Variants in POLR2F observed in about 807,000 individuals in gnomAD.
The protein encoded by POLR2F is DNA-directed RNA polymerases I, II, and III subunit RPABC2.
POLR2F carries 12 observed loss-of-function variants against 22.7 expected under a neutral mutation model. The observed-to-expected ratio is 0.53, with a 90% CI of 0.34 to 0.86. POLR2F has a LOEUF of 0.86. Among genes scored for constraint, POLR2F ranks in the 40% least tolerant of loss-of-function variants. POLR2F has a pLI of 0.02. For synonymous variants in POLR2F, 57 were observed against 66.0 expected (o/e 0.86, Z 0.66); for missense variants, 126 against 171.5 (o/e 0.73, Z 1.48).
intron 4 of POLR2F, among the ~76,000 whole-genome samples, chr22:37,976,932 C>T (rs1035803675): frequency 4.0e-5 from 6 of 151,822 alleles, no homozygotes; most frequent in South Asian, 2.1e-4. Flanking sequence ...TTTGGGAGGC[C>T]GAGGCGGGCA....
chr22:37,961,272 G>A (rs1436778531), intron 3 of POLR2F, among the ~76,000 whole-genome samples: 1 of 151,854 alleles, frequency 6.6e-6, no homozygotes, highest in African/African-American at 2.4e-5. Context: ...TGCCCAGGCT[G>A]GTCTTGAACT....
chr22:38,022,179 A>T (rs2084965486), intron 1 of POLR2F, among the ~76,000 whole-genome samples: 1 of 151,528 alleles, frequency 6.6e-6, no homozygotes, highest in Non-Finnish European at 1.5e-5. Context: ...AGTATGAATC[A>T]GATGCATTTG....
rs896935147 is a variant in POLR2F, at chr22:37,997,028, A to C, written c.120+10716A>C. Among the ~76,000 whole-genome samples the C allele has an allele frequency of 3.9e-5, 6 of 152,148 alleles. No individual in the cohort carries two copies. The highest frequency in any genetic ancestry group is 7.4e-5 in the Non-Finnish European group (5 of 67,974). ...GGCAAGGGCTGCAGTGGCTGGCTGC[A>C]TCCTCTGGGGTGCCAGCTGGGACAC... is the stretch of plus-strand genomic sequence containing the variant. On this transcript the variant is annotated intron_variant, in intron 1 of 2. Transcript: ENST00000333418. This position sits in a 1 kb window ranked among gnomAD's most constrained non-coding sequence, Gnocchi z 4.4.
chr22:37,962,185 C>T lies in POLR2F; in HGVS notation c.221+2709C>T, dbSNP rs145604755. On this transcript the variant is annotated intron_variant, in intron 3 of 4. Coordinates refer to ENST00000442738, the MANE Select transcript of POLR2F (RefSeq NM_021974.5). The stretch of plus-strand genomic sequence containing the variant: ...GGTTGAGGCTGCAGTGAACTGTGAT[C>T]GCACTACTGCACACCAGCCTGAGTG... Among the ~76,000 whole-genome samples the T allele has an allele frequency of 5.4e-3, 824 of 152,068 alleles. 7 individuals carry two copies. The highest frequency in any genetic ancestry group is 0.019 in the African/African-American group (785 of 41,468).
intron 1 of POLR2F, among the ~76,000 whole-genome samples, chr22:37,995,182 G>T (rs1370317632): frequency 6.6e-6 from 1 of 152,202 alleles, no homozygotes; most frequent in Non-Finnish European, 1.5e-5. Context: ...TATCAGATTT[G>T]CTGTCAGGGG....
At chr22:38,000,600 G>C (rs566626718) in intron 1 of POLR2F, among the ~76,000 whole-genome samples, 1 of 152,354 alleles carries the variant, frequency 6.6e-6, no homozygotes, top group Admixed American at 6.5e-5. Flanking sequence ...GGGCACTAGG[G>C]TGGTTGGTGT....
rs932029616 is a variant in POLR2F at position 38,017,682 on chromosome 22, TC to T, written c.121-8185del. ...GAGGCTGTGGCCTCTCCCTGCAACT[TC>T]CTGTAGGTCTCTCTGTAGCACCAGC... On this transcript the variant is annotated intron_variant, in intron 1 of 2. Transcript: ENST00000333418. The surrounding 1 kb of genome is among the most constrained non-coding windows in gnomAD (Gnocchi z 4.1). Among the ~76,000 whole-genome samples, 33 of 152,224 alleles carry T rather than the reference TC, an allele frequency of 2.2e-4. No homozygotes were observed. The highest frequency in any genetic ancestry group is 7.7e-4 in the African/African-American group (32 of 41,542).
chr22:37,962,682 C>A lies in POLR2F; in HGVS notation c.221+3206C>A, dbSNP rs576769537. On this transcript the variant is annotated intron_variant, in intron 3 of 4. Transcript: ENST00000442738. ...TCACTAGCCAGCCACACTTCTTTTTCTTTTATTTATTTATTTAATTTTTTT... is the reference window on the plus strand; with the variant it reads ...TCACTAGCCAGCCACACTTCTTTTTATTTTATTTATTTATTTAATTTTTTT... Among the ~76,000 whole-genome samples, 5 of 152,304 alleles carry A rather than the reference C, an allele frequency of 3.3e-5. No individual in the cohort carries two copies. The South Asian group carries it at 8.3e-4, about 25-fold the overall frequency.
intron 1 of POLR2F, among the ~76,000 whole-genome samples, chr22:38,005,243 C>T (rs1248150906): frequency 6.6e-6 from 1 of 152,244 alleles, no homozygotes. Flanking sequence ...TCACTCCAGC[C>T]TCCCGAGTAG....
At chr22:37,974,129 G>C (rs746972348), downstream of POLR2F, 4 of 1,612,654 alleles carry the variant, frequency 2.5e-6, no homozygotes, top group South Asian at 3.3e-5. The surrounding 1 kb of genome is among the most constrained non-coding windows in gnomAD (Gnocchi z 5.4). Context: ...GTCCCGCTTC[G>C]GGTCTGCCTT....
chr22:38,020,728 T>C (rs970970663), intron 1 of POLR2F, among the ~76,000 whole-genome samples: 1 of 150,750 alleles, frequency 6.6e-6, no homozygotes, highest in African/African-American at 2.4e-5. Context: ...GGCAATAGAG[T>C]GAGACTGTCT....
chr22:38,027,540 C>T (rs778182526), downstream of POLR2F, among the ~76,000 whole-genome samples: 19 of 152,260 alleles, frequency 1.2e-4, no homozygotes, highest in Middle Eastern at 3.4e-3. Flanking sequence ...TCCCTCCTCT[C>T]GCTGTGCTAT....
intron 3 of POLR2F, among the ~76,000 whole-genome samples, chr22:37,965,264 C>T (rs1414666407): frequency 6.6e-6 from 1 of 152,194 alleles, no homozygotes; most frequent in Non-Finnish European, 1.5e-5. Flanking sequence ...GTCTCAGCCT[C>T]CCAAAGTGCT....
At chr22:38,015,984 A>G (rs2084912031) in intron 1 of POLR2F, among the ~76,000 whole-genome samples, 1 of 151,984 alleles carries the variant, frequency 6.6e-6, no homozygotes, top group Non-Finnish European at 1.5e-5. Context: ...CCTCTGCTCA[A>G]GCATCCACCC....
rs371398825 is a variant in POLR2F at position 37,978,155 on chromosome 22, G to A, written c.293+10985G>A. On this transcript the variant is annotated intron_variant, in intron 4 of 4. Coordinates refer to the POLR2F transcript ENST00000405557. This position sits in a 1 kb window ranked among gnomAD's most constrained non-coding sequence, Gnocchi z 5.0. ...AGCAGCCTGGGGTGTGGTGGGAGGC[G>A]GAGAGGACAGCAGAGGGGCTGGCGT... 7.2e-6 allele frequency: 11 copies of A among 1,532,322 alleles called. No homozygotes were observed. Among genetic ancestry groups the A allele is most frequent in the South Asian group, 2.5e-5 (2 of 81,040 alleles). 94.9% of individuals were successfully genotyped at this position (1,532,322 alleles called of 1,614,324 possible). A position where few individuals can be genotyped will look rare whatever the true frequency, so the allele number is the denominator to read the frequency against.
chr22:37,995,295 T>A (rs192873456), intron 1 of POLR2F, among the ~76,000 whole-genome samples: 1 of 152,328 alleles, frequency 6.6e-6, no homozygotes. Context: ...AGATGCTCAA[T>A]AAGTGCTTGC....
chr22:38,011,553 C>T (rs535979835), intron 1 of POLR2F, among the ~76,000 whole-genome samples: 2 of 151,046 alleles, frequency 1.3e-5, no homozygotes, highest in African/African-American at 2.4e-5. Flanking sequence ...TCTCTTACAC[C>T]TTAGTTGAAA....
intron 1 of POLR2F, among the ~76,000 whole-genome samples, chr22:38,008,544 CA>C (rs922896273): frequency 2.5e-4 from 32 of 130,000 alleles, no homozygotes; most frequent in Non-Finnish European, 2.9e-4. Flanking sequence ...GACTCTGTCT[CA>C]AAAAAAAAAA....
At chr22:37,973,291 T>C (rs1932113851), downstream of POLR2F, 1 of 559,556 alleles carries the variant, frequency 1.8e-6, no homozygotes, top group African/African-American at 1.9e-5. Flanking sequence ...TCCAGCCTGT[T>C]CTCCTGGGGC....
Sources: gnomAD v4.1 joint callset for allele counts (sites outside exome capture counted in the v4.1 genomes callset) on GRCh38, gnomAD v4.1.1 for gene constraint, Gnocchi (gnomAD v3.1) non-coding constraint, MANE v1.5 for transcripts, NCBI Gene and HGNC (gene_info 2026-07-23, HGNC 2026-07-21) for gene names.